RELCH: variants seen among roughly 807,000 people sequenced by gnomAD.
RELCH encodes RAB11 binding and LisH domain, coiled-coil and HEAT repeat containing, also known as RAB11-binding protein RELCH.
A neutral mutation model predicts 150.3 loss-of-function variants in RELCH; 41 were observed. The observed-to-expected ratio is 0.27, with a 90% confidence interval of 0.21 to 0.35. The LOEUF (loss-of-function observed/expected upper bound fraction) is 0.35. Ranked by LOEUF, RELCH falls within the 10% of genes least tolerant of loss-of-function variation. The pLI is 1.00. For synonymous variants in RELCH, 478 were observed against 531.8 expected, an observed-to-expected ratio of 0.90 and a Z score of 1.39; for missense variants, 1,092 against 1,467.8, an observed-to-expected ratio of 0.74 and a Z score of 4.18.
intron 20 of RELCH, among the ~76,000 whole-genome samples, chr18:62,270,628 G>C (rs2043841392): frequency 6.6e-6 from 1 of 151,916 alleles, no homozygotes; most frequent in Non-Finnish European, 1.5e-5. Flanking sequence ...CATATTTATT[G>C]TACTCTTCTT....
At chr18:62,212,587 C>G (rs1490411183) in intron 2 of RELCH, among the ~76,000 whole-genome samples, 1 of 152,156 alleles carries the variant, frequency 6.6e-6, no homozygotes, top group East Asian at 1.9e-4. Context: ...AGTGCTAATT[C>G]TTATATAACA....
chr18:62,298,822 A>G lies in RELCH; in HGVS notation c.3492A>G (p.Glu1164=). Residue 1164 remains glutamate (E), a synonymous_variant, in exon 28 of 29, where the codon GAA becomes GAG. Transcript: ENST00000644646. ...TAAGTTCCATGATAAAAGAATGTGA[A>G]CAAAAAGTTGAAAACAAGACCGTCC... is the stretch of plus-strand genomic sequence containing the variant. ...VILSSMIKEC[E]QKVENKTVQE... is the part of the protein sequence containing the mutation. 1 of 1,591,302 alleles carries G rather than the reference A, an allele frequency of 6.3e-7. No homozygotes were observed. The highest frequency in any genetic ancestry group is 8.6e-7 in the Non-Finnish European group (1 of 1,162,710).
At chr18:62,302,632 T>C (rs1022648390) in intron 28 of RELCH, among the ~76,000 whole-genome samples, 2 of 152,192 alleles carry the variant, frequency 1.3e-5, no homozygotes, top group Non-Finnish European at 2.9e-5. Context: ...GCAATTCTCC[T>C]GCCTTAGCCT....
rs371296541 is a variant in RELCH at position 62,196,430 on chromosome 18, A to G, written c.526+8399A>G. On this transcript the variant is annotated intron_variant, in intron 1 of 28. Coordinates refer to ENST00000644646, the MANE Select transcript of RELCH (RefSeq NM_001346231.2). ...TTTTTGGTAGAGATTAGGTTTTGCC[A>G]TGTTGGCCAGGCATGTCTTGAATTC... Among the ~76,000 whole-genome samples, 27 of 152,200 alleles carry G rather than the reference A, an allele frequency of 1.8e-4. No individual in the cohort carries two copies. The East Asian group carries it at 5.0e-3, about 28-fold the overall frequency.
intron 5 of RELCH, among the ~76,000 whole-genome samples, chr18:62,223,330 A>G (rs2041002678): frequency 6.6e-6 from 1 of 151,788 alleles, no homozygotes; most frequent in Admixed American, 6.6e-5. Flanking sequence ...TAGAAGAATA[A>G]TAAAAGAATG....
chr18:62,229,485 G>GGTGTGTGTGT (rs58842870), intron 8 of RELCH, among the ~76,000 whole-genome samples: 2,708 of 143,362 alleles, frequency 0.019, 41 homozygotes, highest in Non-Finnish European at 0.023. Flanking sequence ...GTATAGTAGG[G>GGTGTGTGTGT]GTGTGTGTGT....
intron 10 of RELCH, among the ~76,000 whole-genome samples, chr18:62,233,828 T>C (rs1325949958): frequency 6.6e-6 from 1 of 151,902 alleles, no homozygotes; most frequent in Non-Finnish European, 1.5e-5. Context: ...ATTTTTCATA[T>C]TATCATAAAA....
intron 11 of RELCH, among the ~76,000 whole-genome samples, chr18:62,251,429 C>A (rs545522316): frequency 3.9e-5 from 6 of 152,222 alleles, no homozygotes; most frequent in Non-Finnish European, 8.8e-5. Flanking sequence ...TAATTCCTTC[C>A]CATGTGGGTC....
At chr18:62,189,236 T>C (rs568003186) in intron 1 of RELCH, among the ~76,000 whole-genome samples, 2 of 151,356 alleles carry the variant, frequency 1.3e-5, no homozygotes, top group South Asian at 2.1e-4. Context: ...AAAATTGTTA[T>C]GTGTGGTGGT....
At position 62,221,480 on chromosome 18, in the gene RELCH, G is replaced by T; in HGVS notation, c.841G>T (p.Asp281Tyr). 1 of 1,458,828 alleles carries T rather than the reference G, an allele frequency of 6.9e-7. No individual in the cohort carries two copies. The highest frequency in any genetic ancestry group is 2.3e-5 in the East Asian group (1 of 42,662). The allele number at this position is 1,458,828 out of a possible 1,614,324, so 90.4% of individuals were successfully genotyped here. ...NYKLTSITFS[D>Y]ENDDQDFELW... ...TAAGCTTACATCAATAACCTTTTCA[G>T]ATGAAAACGATGATCAGGTAAAGTT... is the stretch of plus-strand genomic sequence containing the variant. Residue 281 changes from aspartate to tyrosine, a missense_variant, in exon 5 of 29, where the codon GAT (aspartate) becomes TAT (tyrosine). Around this residue, in one of 4 missense-constraint regions of RELCH, gnomAD observed 190 missense variants for 276.2 expected, o/e 0.69. Coordinates refer to ENST00000644646, the MANE Select transcript of RELCH (RefSeq NM_001346231.2).
In RELCH at chr18:62,264,832, A is replaced by G; in HGVS notation, c.2611A>G (p.Lys871Glu). The G allele has an allele frequency of 6.2e-7, 1 of 1,608,328 alleles. No homozygotes were observed. Among genetic ancestry groups the G allele is most frequent in the Non-Finnish European group, 8.5e-7 (1 of 1,177,596 alleles). Residue 871 changes from lysine (K) to glutamate (E), a missense_variant, in exon 18 of 29, where the codon AAA (lysine) becomes GAA (glutamate). Lys to Glu is a moderately conservative substitution (Grantham distance 56). Coordinates refer to ENST00000644646, the MANE Select transcript of RELCH (RefSeq NM_001346231.2). ...CTGGCGCCTTTGCCGGACATTTGGC[A>G]AAATTTTTACAAACACTAAGGTAAA... The part of the protein sequence containing the change: ...FFWRLCRTFG[K>E]IFTNTKVKPQ...
intron 15 of RELCH, among the ~76,000 whole-genome samples, chr18:62,258,945 C>T (rs939354393): frequency 1.3e-5 from 2 of 151,966 alleles, no homozygotes; most frequent in Admixed American, 6.6e-5. Context: ...ATTCAGAAAG[C>T]CAGCTCTTTC....
intron 10 of RELCH, among the ~76,000 whole-genome samples, chr18:62,233,960 A>T (rs764345830): frequency 6.6e-6 from 1 of 151,940 alleles, no homozygotes; most frequent in South Asian, 2.1e-4. Flanking sequence ...TTGTGGTATG[A>T]TGTTTACTTT....
intron 26 of RELCH, 97 bp from the exon 27 acceptor site, chr18:62,291,446 A>G (rs2045130082): frequency 3.2e-6 from 2 of 627,974 alleles, no homozygotes. Flanking sequence ...CATAGGTATG[A>G]TATAAGAAGG....
chr18:62,214,991 C>T (rs779343473), intron 2 of RELCH, among the ~76,000 whole-genome samples: 27 of 152,106 alleles, frequency 1.8e-4, no homozygotes, highest in Non-Finnish European at 1.5e-4. Flanking sequence ...TACCTGGCTT[C>T]CTTCTACTCA....
chr18:62,229,698 G>C (rs554691338), intron 8 of RELCH, among the ~76,000 whole-genome samples: 17 of 152,062 alleles, frequency 1.1e-4, no homozygotes, highest in Non-Finnish European at 2.2e-4. Context: ...CTAGTCTTCA[G>C]AGCAGGAAAG....
intron 2 of RELCH, among the ~76,000 whole-genome samples, chr18:62,211,612 T>A (rs564100905): frequency 1.3e-5 from 2 of 152,222 alleles, no homozygotes; most frequent in East Asian, 3.9e-4. Context: ...TACAACTCTA[T>A]TGATTGTTAA....
intron 27 of RELCH, among the ~76,000 whole-genome samples, chr18:62,298,422 C>A (rs972151395): frequency 6.6e-6 from 1 of 152,108 alleles, no homozygotes; most frequent in African/African-American, 2.4e-5. Context: ...GGGCGTAGAA[C>A]AGGACAGCTT....
chr18:62,197,807 G>C (rs2039148679), intron 1 of RELCH, among the ~76,000 whole-genome samples: 1 of 152,176 alleles, frequency 6.6e-6, no homozygotes, highest in African/African-American at 2.4e-5. Context: ...TGAACAAATA[G>C]AGAAATATGG....
Sources: allele counts gnomAD v4.1 joint callset (sites outside exome capture counted in the v4.1 genomes callset), GRCh38; gene constraint gnomAD v4.1.1; regional missense constraint gnomAD v4.1.1; transcripts MANE v1.5; gene names NCBI Gene and HGNC (gene_info 2026-07-23, HGNC 2026-07-21).